The following PTPRM variants were observed in gnomAD, a reference collection of about 807,000 sequenced individuals.
PTPRM encodes protein tyrosine phosphatase receptor type M.
A neutral mutation model predicts 186.7 loss-of-function variants in PTPRM; 47 were observed. That is an observed-to-expected ratio of 0.25 (90% CI 0.20 to 0.32). The LOEUF is 0.32. PTPRM is among the 10% of genes least tolerant of loss of function. PTPRM has a pLI of 1.00. For missense variants in PTPRM, 1,494 were observed against 1,865.0 expected (o/e 0.80, Z 3.66); for synonymous variants, 668 against 674.9 (o/e 0.99, Z 0.16).
chr18:7,731,520 T>C (rs1457842124), intron 1 of PTPRM, among the ~76,000 whole-genome samples: 1 of 152,172 alleles, frequency 6.6e-6, no homozygotes, highest in Non-Finnish European at 1.5e-5. Context: ...AGTTTGCAGC[T>C]AAGGAAACTG....
intron 19 of PTPRM, among the ~76,000 whole-genome samples, chr18:8,263,087 C>T (rs1392087190): frequency 1.3e-5 from 2 of 152,046 alleles, no homozygotes; most frequent in Non-Finnish European, 2.9e-5. Context: ...TTATTGAAAG[C>T]CAACCTGTTT....
chr18:8,362,543 C>G (rs552726869), intron 23 of PTPRM, among the ~76,000 whole-genome samples: 3 of 152,230 alleles, frequency 2.0e-5, no homozygotes, highest in Admixed American at 2.0e-4. Flanking sequence ...GCCCTCCCAG[C>G]CCCCACCTGC....
intron 1 of PTPRM, among the ~76,000 whole-genome samples, chr18:7,628,388 T>C (rs2038111366): frequency 6.6e-6 from 1 of 152,254 alleles, no homozygotes; most frequent in East Asian, 1.9e-4. Context: ...TGTATTGTTG[T>C]TGCAAAGTAG....
chr18:8,068,157 A>C (rs1355652931), intron 7 of PTPRM, among the ~76,000 whole-genome samples: 2 of 152,196 alleles, frequency 1.3e-5, no homozygotes, highest in African/African-American at 4.8e-5. Context: ...GATTATTTTG[A>C]GGAATAGGAA....
chr18:8,201,477 T>G (rs1272161782), intron 14 of PTPRM, among the ~76,000 whole-genome samples: 1 of 152,158 alleles, frequency 6.6e-6, no homozygotes, highest in African/African-American at 2.4e-5. Context: ...ACAGCAAAAT[T>G]AGGTTGTGGT....
intron 15 of PTPRM, 38 bp from the exon 16 acceptor site, chr18:8,247,805 CCT>C: frequency 6.9e-7 from 1 of 1,445,534 alleles, no homozygotes; most frequent in Non-Finnish European, 9.7e-7. Context: ...GAGTGTATTA[CCT>C]CTCTGCTGCC....
intron 11 of PTPRM, among the ~76,000 whole-genome samples, chr18:8,111,822 G>T (rs1002149277): frequency 6.6e-6 from 1 of 152,166 alleles, no homozygotes; most frequent in Non-Finnish European, 1.5e-5. Flanking sequence ...TAAAACCCAA[G>T]CTTTTAGCAG....
chr18:8,285,088 A>T (rs577793987), intron 19 of PTPRM, among the ~76,000 whole-genome samples: 2 of 152,034 alleles, frequency 1.3e-5, no homozygotes, highest in Non-Finnish European at 2.9e-5. Context: ...TGATATGTGC[A>T]TTTCCATCAA....
chr18:8,250,580 G>A (rs2094518921), intron 17 of PTPRM, among the ~76,000 whole-genome samples: 2 of 152,002 alleles, frequency 1.3e-5, no homozygotes, highest in African/African-American at 4.8e-5. Flanking sequence ...AGGAGTTCAA[G>A]ACCAGCCTCC....
At chr18:7,861,482 T>G (rs1216953004) in intron 2 of PTPRM, among the ~76,000 whole-genome samples, 14 of 152,192 alleles carry the variant, frequency 9.2e-5, no homozygotes, top group Admixed American at 9.2e-4. Flanking sequence ...TTTAAAAATA[T>G]TTATACTTGT....
At chr18:8,392,228 CA>C (rs1288691980) in intron 31 of PTPRM, among the ~76,000 whole-genome samples, 5 of 152,182 alleles carry the variant, frequency 3.3e-5, no homozygotes, top group Admixed American at 2.0e-4. Context: ...CTGTAAGAAA[CA>C]ATCTGGGAAA....
intron 1 of PTPRM, among the ~76,000 whole-genome samples, chr18:7,667,977 A>C (rs185590866): frequency 6.6e-6 from 1 of 152,156 alleles, no homozygotes; most frequent in East Asian, 1.9e-4. Flanking sequence ...TTTCCTGCTC[A>C]GAGAGGTAAT....
chr18:8,113,135 T>G (rs999384863), intron 11 of PTPRM, among the ~76,000 whole-genome samples: 7 of 152,224 alleles, frequency 4.6e-5, no homozygotes, highest in Non-Finnish European at 1.0e-4. Flanking sequence ...TCAGGTAAAC[T>G]GAGTTAATTA....
intron 14 of PTPRM, among the ~76,000 whole-genome samples, chr18:8,240,788 GAGAGAGAGAGAGA>G (rs1568584694): frequency 0.035 from 2,612 of 75,202 alleles, 137 homozygotes; most frequent in African/African-American, 0.12. Context: ...GAGAGAGAGA[GAGAGAGAGAGAGA>G]GAGAGAGAGA....
chr18:8,353,007 A>G lies in PTPRM; in HGVS notation c.3054+9487A>G, dbSNP rs189283297. ...TTATGGCTATGTAGAAAATGTGTAT[A>G]TACCACATTTTCTTTATCCAGCCTA... On this transcript the variant is annotated intron_variant, in intron 23 of 32. Transcript: ENST00000580170. Among the ~76,000 whole-genome samples the G allele has an allele frequency of 3.5e-3, 540 of 152,230 alleles. 2 individuals carry two copies. The highest frequency in any genetic ancestry group is 0.012 in the African/African-American group (509 of 41,524).
At chr18:7,742,271 T>G (rs572184499) in intron 1 of PTPRM, among the ~76,000 whole-genome samples, 2 of 152,336 alleles carry the variant, frequency 1.3e-5, no homozygotes, top group African/African-American at 4.8e-5. Context: ...CTAATAACTT[T>G]AAAAAGTAGT....
In PTPRM at chr18:8,041,838, G is replaced by T. The variant is rs549407418; in HGVS notation, c.1133-27848G>T. On this transcript the variant is annotated intron_variant, in intron 7 of 32. Coordinates refer to ENST00000580170, the MANE Select transcript of PTPRM (RefSeq NM_001105244.2). ...TCAGCTAGACACATGTTTCCTTCATGCAAGGGAAAGAAAATCACAAGGGCC... is the reference window on the plus strand; with the variant it reads ...TCAGCTAGACACATGTTTCCTTCATTCAAGGGAAAGAAAATCACAAGGGCC... 5.9e-5 allele frequency among the ~76,000 whole-genome samples: 9 copies of T among 152,260 alleles called. No homozygotes were observed. The South Asian group carries it at 1.5e-3, about 25-fold the overall frequency.
chr18:8,126,027 A>ATATATATATATATTTTT (rs57751538), intron 13 of PTPRM, among the ~76,000 whole-genome samples: 6 of 69,522 alleles, frequency 8.6e-5, no homozygotes, highest in Non-Finnish European at 1.1e-4. Context: ...ATATATATAT[A>ATATATATATATATTTTT]TTTTAAATCA....
At chr18:7,689,665 AAATT>A (rs2039690947) in intron 1 of PTPRM, among the ~76,000 whole-genome samples, 1 of 152,230 alleles carries the variant, frequency 6.6e-6, no homozygotes, top group African/African-American at 2.4e-5. Flanking sequence ...TGGGAACTTG[AAATT>A]AACAATGAGC....
Sources: allele counts gnomAD v4.1 joint callset (sites outside exome capture counted in the v4.1 genomes callset), GRCh38; gene constraint gnomAD v4.1.1; transcripts MANE v1.5; gene names NCBI Gene and HGNC (gene_info 2026-07-23, HGNC 2026-07-21).